ARLN: variants seen among roughly 807,000 people sequenced by gnomAD.
The protein encoded by ARLN is allregulin, also known as sarcoplasmic/endoplasmic reticulum calcium ATPase regulator ARLN.
the ARLN span, chr4:119,298,322 C>G: frequency 6.6e-6 from 1 of 152,568 alleles, no homozygotes; most frequent in Non-Finnish European, 1.5e-5. Flanking sequence ...TCTAAGAATA[C>G]TTTGTTCCCT....
At chr4:119,303,391 C>T in the ARLN span, among the ~76,000 whole-genome samples, 8 of 152,110 alleles carry the variant, frequency 5.3e-5, no homozygotes, top group East Asian at 9.7e-4. Context: ...TCTGCCAGCA[C>T]GCCTGGCTAA....
chr4:119,302,072 A>G, the ARLN span, among the ~76,000 whole-genome samples: 1 of 152,354 alleles, frequency 6.6e-6, no homozygotes, highest in South Asian at 2.1e-4. Flanking sequence ...CAAATAAACA[A>G]TTGCCTCTAC....
At chr4:119,298,453 G>T in the ARLN span, 1 of 221,642 alleles carries the variant, frequency 4.5e-6, no homozygotes, top group African/African-American at 2.3e-5. Flanking sequence ...AACATTAAAA[G>T]ACATTACTAT....
the ARLN span, among the ~76,000 whole-genome samples, chr4:119,302,123 A>G: frequency 6.6e-6 from 1 of 152,250 alleles, no homozygotes. Context: ...GGTAGGATCA[A>G]TTACTCCTAG....
At chr4:119,304,366 G>A in the ARLN span, 18 of 1,536,770 alleles carry the variant, frequency 1.2e-5, no homozygotes, top group Non-Finnish European at 1.4e-5. Flanking sequence ...ATAGTTTTTT[G>A]CCTTCCTTTG....
At chr4:119,300,747 C>A in the ARLN span, 1 of 1,501,462 alleles carries the variant, frequency 6.7e-7, no homozygotes, top group South Asian at 1.3e-5. Context: ...GCATGAAGCG[C>A]GGCCTCCGCC....
At chr4:119,304,242 T>C in the ARLN span, 4 of 1,529,438 alleles carry the variant, frequency 2.6e-6, no homozygotes, top group Non-Finnish European at 8.8e-7. Context: ...ATTTCTAACA[T>C]ACCAATTGTG....
the ARLN span, among the ~76,000 whole-genome samples, chr4:119,301,232 C>A: frequency 2.3e-5 from 3 of 132,498 alleles, no homozygotes; most frequent in Non-Finnish European, 4.9e-5. Flanking sequence ...GCTGAAATCC[C>A]GTCTCTACTA....
the ARLN span, chr4:119,296,959 CTG>C: frequency 6.6e-6 from 1 of 152,232 alleles, no homozygotes; most frequent in Admixed American, 6.5e-5. Context: ...GATCGGAAGT[CTG>C]TGTGTGACCT....
chr4:119,300,931 T>C, the ARLN span: 1 of 891,342 alleles, frequency 1.1e-6, no homozygotes, highest in Non-Finnish European at 1.6e-6. Flanking sequence ...TATCCCCGTA[T>C]TCCGTTTGGA....
chr4:119,296,727 GCT>G, the ARLN span: 2 of 152,110 alleles, frequency 1.3e-5, no homozygotes, highest in Admixed American at 1.3e-4. Context: ...GGAGTGGGTG[GCT>G]CTTTTTTATT....
chr4:119,300,519 GGT>G, the ARLN span: 1 of 1,614,016 alleles, frequency 6.2e-7, no homozygotes, highest in Non-Finnish European at 8.5e-7. Flanking sequence ...ATCAACACCC[GGT>G]GCGTCCACCT....
chr4:119,300,663 G>A, the ARLN span: 5 of 1,553,344 alleles, frequency 3.2e-6, no homozygotes, highest in African/African-American at 5.5e-5. Context: ...CCCGGGTTCC[G>A]GAATGCACTC....
At chr4:119,300,867 C>A in the ARLN span, 1 of 1,390,006 alleles carries the variant, frequency 7.2e-7, no homozygotes. Context: ...CCTGAAAGGC[C>A]CAGTCCAGTC....
At chr4:119,303,530 C>G in the ARLN span, among the ~76,000 whole-genome samples, 1 of 152,192 alleles carries the variant, frequency 6.6e-6, no homozygotes, top group East Asian at 1.9e-4. Context: ...CCACTGCACC[C>G]AGGCTGTTCT....
At chr4:119,304,438 C>G in the ARLN span, 1 of 1,525,898 alleles carries the variant, frequency 6.6e-7, no homozygotes, top group Non-Finnish European at 8.8e-7. Context: ...ATTTATTAGA[C>G]TGGTCATCTT....
the ARLN span, among the ~76,000 whole-genome samples, chr4:119,301,116 G>A: frequency 2.0e-5 from 3 of 151,692 alleles, no homozygotes; most frequent in Non-Finnish European, 4.4e-5. Context: ...CAAGGGAGTG[G>A]GTTTAAGAAT....
chr4:119,303,002 T>A, the ARLN span, among the ~76,000 whole-genome samples: 1 of 152,212 alleles, frequency 6.6e-6, no homozygotes, highest in Non-Finnish European at 1.5e-5. Flanking sequence ...ATTAAATTAA[T>A]TTTATAGAAT....
the ARLN span, chr4:119,300,865 G>A: frequency 7.2e-7 from 1 of 1,390,624 alleles, no homozygotes; most frequent in Non-Finnish European, 9.4e-7. Context: ...CCCCTGAAAG[G>A]CCCAGTCCAG....
Sources: allele counts gnomAD v4.1 joint callset (sites outside exome capture counted in the v4.1 genomes callset), GRCh38; gene constraint gnomAD v4.1.1; transcripts MANE v1.5; gene names NCBI Gene and HGNC (gene_info 2026-07-23, HGNC 2026-07-21).